Variants in NELL1 observed in about 807,000 individuals in gnomAD.
NELL1 encodes protein kinase C-binding protein NELL1.
NELL1 carries 76 observed loss-of-function variants against 107.4 expected under a neutral mutation model. The observed-to-expected ratio is 0.71, with a 90% confidence interval of 0.59 to 0.86. The LOEUF (loss-of-function observed/expected upper bound fraction) is 0.86, where lower values mean the gene tolerates loss of function less well. Ranked by LOEUF, NELL1 falls within the 40% of genes least tolerant of loss-of-function variation. The probability of loss-of-function intolerance (pLI) is 0.00; values close to 1 mark genes in which losing one functional copy is unlikely to be tolerated. For synonymous variants in NELL1, 353 were observed against 341.2 expected, an observed-to-expected ratio of 1.03 and a Z score of -0.38; for missense variants, 1,024 against 1,005.5, an observed-to-expected ratio of 1.02 and a Z score of -0.25.
At chr11:21,138,506 G>T (rs1160428077) in intron 13 of NELL1, among the ~76,000 whole-genome samples, 1 of 152,080 alleles carries the variant, frequency 6.6e-6, no homozygotes, top group Non-Finnish European at 1.5e-5. Context: ...ATTGTTTTGG[G>T]TGCAGAGCCT....
At chr11:21,124,207 T>C (rs1855436182) in intron 13 of NELL1, among the ~76,000 whole-genome samples, 1 of 152,298 alleles carries the variant, frequency 6.6e-6, no homozygotes, top group East Asian at 1.9e-4. Flanking sequence ...TATTAAAATA[T>C]TAGAAAGCAG....
At position 21,229,451 on chromosome 11, in the gene NELL1, A is replaced by G; in HGVS notation, c.1546A>G (p.Arg516Gly). The G allele has an allele frequency of 1.2e-6, 2 of 1,613,758 alleles. No homozygotes were observed. Among genetic ancestry groups the G allele is most frequent in the Non-Finnish European group, 1.7e-6 (2 of 1,179,788 alleles). ...CTACGTGGGGAACGGGACCATCTGC[A>G]GAGGTAGGCTTGCCGCCTTAGTGTT... is the stretch of plus-strand genomic sequence containing the variant. ...PGYVGNGTIC[R>G]AFCEEGCRYG... The change falls in exon 14 of 20, where the codon AGA becomes GGA. Residue 516 changes from arginine (R) to glycine (G), a missense_variant. Coordinates refer to ENST00000357134, the MANE Select transcript of NELL1 (RefSeq NM_006157.5).
chr11:21,288,019 A>G (rs1009171041), intron 14 of NELL1, among the ~76,000 whole-genome samples: 7 of 151,966 alleles, frequency 4.6e-5, no homozygotes, highest in African/African-American at 1.7e-4. Flanking sequence ...TAAGGGAAGG[A>G]AAGAAGGAAG....
intron 4 of NELL1, among the ~76,000 whole-genome samples, chr11:20,852,361 C>T (rs999396312): frequency 2.0e-5 from 3 of 152,082 alleles, no homozygotes; most frequent in African/African-American, 7.2e-5. Flanking sequence ...ATGCAGAATC[C>T]AAAACTAAAC....
chr11:21,158,326 T>A (rs1015555260), intron 13 of NELL1, among the ~76,000 whole-genome samples: 1 of 152,194 alleles, frequency 6.6e-6, no homozygotes, highest in Admixed American at 6.6e-5. Flanking sequence ...TGTGATCATG[T>A]GAGTCAATAC....
At chr11:20,749,730 AAT>A (rs1856090860) in intron 2 of NELL1, among the ~76,000 whole-genome samples, 1 of 152,126 alleles carries the variant, frequency 6.6e-6, no homozygotes, top group Non-Finnish European at 1.5e-5. Context: ...TCTAAATAAA[AAT>A]ATTTTTATTA....
chr11:20,757,790 G>A (rs181739510), intron 2 of NELL1, among the ~76,000 whole-genome samples: 43 of 152,260 alleles, frequency 2.8e-4, no homozygotes, highest in Non-Finnish European at 6.0e-4. Context: ...TGAGAGCCAT[G>A]TTCTCCTTTT....
chr11:20,739,963 A>G (rs1032065802), intron 2 of NELL1, among the ~76,000 whole-genome samples: 2 of 152,208 alleles, frequency 1.3e-5, no homozygotes, highest in Admixed American at 6.5e-5. Flanking sequence ...CAGAGAGGGA[A>G]CTATTTATTC....
chr11:20,944,124 T>A (rs539631401), intron 10 of NELL1, among the ~76,000 whole-genome samples: 2 of 152,184 alleles, frequency 1.3e-5, no homozygotes, highest in African/African-American at 4.8e-5. Flanking sequence ...TAAAATGGTA[T>A]TATGAAGTAT....
chr11:20,692,677 A>G (rs1255306697), intron 2 of NELL1, among the ~76,000 whole-genome samples: 2 of 151,876 alleles, frequency 1.3e-5, no homozygotes, highest in Admixed American at 6.6e-5. Flanking sequence ...CTGTTCTTTT[A>G]CATTTGCTGA....
At chr11:20,730,290 T>C (rs1364226898) in intron 2 of NELL1, among the ~76,000 whole-genome samples, 1 of 152,180 alleles carries the variant, frequency 6.6e-6, no homozygotes, top group Admixed American at 6.6e-5. Context: ...ATCTTAGAGA[T>C]CTTAACAGTC....
chr11:20,891,926 A>C (rs1292599720), intron 5 of NELL1, among the ~76,000 whole-genome samples: 1 of 152,188 alleles, frequency 6.6e-6, no homozygotes, highest in Non-Finnish European at 1.5e-5. Context: ...AGAGACTTTA[A>C]CACCCCACTG....
At chr11:20,944,998 G>A (rs556411962) in intron 10 of NELL1, among the ~76,000 whole-genome samples, 1 of 152,220 alleles carries the variant, frequency 6.6e-6, no homozygotes, top group African/African-American at 2.4e-5. Context: ...GGAATATAGA[G>A]GGGAAAATGT....
At chr11:21,278,335 A>G (rs1298395669) in intron 14 of NELL1, among the ~76,000 whole-genome samples, 1 of 152,194 alleles carries the variant, frequency 6.6e-6, no homozygotes, top group African/African-American at 2.4e-5. Context: ...ACTGGAAAGA[A>G]AGAAATAAAA....
chr11:20,791,390 T>C (rs1465945308), intron 3 of NELL1, among the ~76,000 whole-genome samples: 1 of 152,252 alleles, frequency 6.6e-6, no homozygotes, highest in African/African-American at 2.4e-5. Flanking sequence ...TGCTACTGTA[T>C]AGAAAGGAAA....
chr11:21,370,591 G>A (rs1030922265), intron 14 of NELL1, among the ~76,000 whole-genome samples: 2 of 152,036 alleles, frequency 1.3e-5, no homozygotes, highest in African/African-American at 4.8e-5. Context: ...AAAAGTTATA[G>A]CGGTTACTAC....
intron 15 of NELL1, among the ~76,000 whole-genome samples, chr11:21,502,360 T>A (rs1331375861): frequency 2.0e-5 from 3 of 152,160 alleles, no homozygotes; most frequent in Non-Finnish European, 4.4e-5. Flanking sequence ...CCAAAACCCG[T>A]GATCTTTTCA....
chr11:21,493,949 A>T (rs1854905246), intron 15 of NELL1, among the ~76,000 whole-genome samples: 1 of 151,960 alleles, frequency 6.6e-6, no homozygotes, highest in African/African-American at 2.4e-5. Flanking sequence ...TCCCTTATTA[A>T]TAGGCATTCA....
chr11:21,081,478 T>C (rs1854267682), intron 12 of NELL1, among the ~76,000 whole-genome samples: 1 of 152,134 alleles, frequency 6.6e-6, no homozygotes, highest in Non-Finnish European at 1.5e-5. Flanking sequence ...AAATGCCCAA[T>C]TACTATTTCA....
Sources: gnomAD v4.1 joint callset for allele counts (sites outside exome capture counted in the v4.1 genomes callset) on GRCh38, gnomAD v4.1.1 for gene constraint, MANE v1.5 for transcripts, NCBI Gene and HGNC (gene_info 2026-07-23, HGNC 2026-07-21) for gene names.